CACNA2D3: variants seen among roughly 807,000 people sequenced by gnomAD.
The protein encoded by CACNA2D3 is calcium voltage-gated channel auxiliary subunit alpha2delta 3.
In CACNA2D3, 60 loss-of-function variants were observed where a neutral mutation model predicts 160.6. The observed-to-expected ratio is 0.37, with a 90% CI of 0.30 to 0.46. The LOEUF is 0.46. Ranked by LOEUF, CACNA2D3 falls within the 20% of genes least tolerant of loss-of-function variation. The pLI is 1.00. For synonymous variants in CACNA2D3, 558 were observed against 492.9 expected, an observed-to-expected ratio of 1.13 and a Z score of -1.75; for missense variants, 1,205 against 1,365.0, an observed-to-expected ratio of 0.88 and a Z score of 1.85.
At chr3:54,862,202 T>G (rs1260001002) in intron 17 of CACNA2D3, among the ~76,000 whole-genome samples, 2 of 152,156 alleles carry the variant, frequency 1.3e-5, no homozygotes, top group Admixed American at 6.5e-5. Context: ...CCACCCCATT[T>G]GAGAAAGGAG....
intron 2 of CACNA2D3, among the ~76,000 whole-genome samples, chr3:54,243,591 A>C (rs369573729): frequency 2.6e-5 from 4 of 152,206 alleles, no homozygotes; most frequent in African/African-American, 9.6e-5. Context: ...AGTTCTTACT[A>C]AAAAAGATTA....
chr3:54,616,999 G>T (rs1426858003), intron 9 of CACNA2D3, among the ~76,000 whole-genome samples: 2 of 152,022 alleles, frequency 1.3e-5, no homozygotes, highest in African/African-American at 2.4e-5. Flanking sequence ...AACATCCCTG[G>T]ACCACCTATT....
intron 2 of CACNA2D3, among the ~76,000 whole-genome samples, chr3:54,126,925 T>C (rs936840048): frequency 3.3e-5 from 5 of 152,208 alleles, no homozygotes; most frequent in African/African-American, 1.2e-4. Flanking sequence ...TTTGGTTCTT[T>C]TGGGGAGGCA....
intron 27 of CACNA2D3, among the ~76,000 whole-genome samples, chr3:54,909,147 A>G (rs1054303938): frequency 1.3e-5 from 2 of 152,176 alleles, no homozygotes; most frequent in East Asian, 1.9e-4. Flanking sequence ...AGAAATTCCA[A>G]TCAAAGATCC....
chr3:54,250,005 A>G (rs1048446031), intron 2 of CACNA2D3, among the ~76,000 whole-genome samples: 4 of 151,222 alleles, frequency 2.6e-5, no homozygotes, highest in Non-Finnish European at 5.9e-5. Flanking sequence ...GGTTCCCCAG[A>G]GAACACTGTT....
At chr3:54,867,254 A>C (rs902638056) in intron 17 of CACNA2D3, among the ~76,000 whole-genome samples, 1 of 152,120 alleles carries the variant, frequency 6.6e-6, no homozygotes, top group Non-Finnish European at 1.5e-5. Flanking sequence ...ATGAGAATTT[A>C]GTTCTTTTTC....
At position 54,821,723 on chromosome 3, in the gene CACNA2D3, C is replaced by T. The variant is rs1156952980; in HGVS notation, c.1398+4853C>T. On this transcript the variant is annotated intron_variant, in intron 14 of 37. Coordinates refer to ENST00000474759, the MANE Select transcript of CACNA2D3 (RefSeq NM_018398.3). ...TTCCTTCCTTCCTTCTTTCCTCTCT[C>T]TCTCTCTCTCTCTTTCTCTCTCTCT... 8.7e-4 allele frequency among the ~76,000 whole-genome samples: 96 copies of T among 110,322 alleles called. 1 individual carries two copies. In the South Asian group the frequency reaches 0.011, roughly 13 times the overall value. The allele number at this position is 110,322 out of a possible 152,430, so 72.4% of individuals were successfully genotyped here. A position where few individuals can be genotyped will look rare whatever the true frequency, so the allele number is the denominator to read the frequency against.
intron 11 of CACNA2D3, among the ~76,000 whole-genome samples, chr3:54,653,831 G>A (rs1699822900): frequency 1.3e-5 from 2 of 152,174 alleles, no homozygotes; most frequent in Admixed American, 1.3e-4. Context: ...TCCAGGTGCT[G>A]CGGACCTCAG....
chr3:54,584,600 G>A (rs1702729541), intron 9 of CACNA2D3, among the ~76,000 whole-genome samples: 1 of 152,132 alleles, frequency 6.6e-6, no homozygotes, highest in Non-Finnish European at 1.5e-5. Context: ...GAGAGAATGG[G>A]ACTGAAGAGG....
At position 54,736,098 on chromosome 3, in the gene CACNA2D3, TAC is replaced by T. The variant is rs1701515883; in HGVS notation, c.1168-16499_1168-16498del. 1.1e-3 allele frequency among the ~76,000 whole-genome samples: 19 copies of T among 17,632 alleles called. 2 individuals carry two copies. Among genetic ancestry groups the T allele is most frequent in the Non-Finnish European group, 1.9e-3 (14 of 7,432 alleles). 11.6% of individuals were successfully genotyped at this position (17,632 alleles called of 152,430 possible). On this transcript the variant is annotated intron_variant, in intron 11 of 37. Coordinates refer to ENST00000474759, the MANE Select transcript of CACNA2D3 (RefSeq NM_018398.3). Reference sequence around the variant, plus strand: ...ACATATATATGTATGTGTATATATATACATATATATGTATATATATACATATA... The same window carrying T: ...ACATATATATGTATGTGTATATATATATATATATGTATATATATACATATA...
intron 6 of CACNA2D3, among the ~76,000 whole-genome samples, chr3:54,564,562 A>G (rs1424897110): frequency 1.3e-5 from 2 of 152,208 alleles, no homozygotes; most frequent in African/African-American, 4.8e-5. Context: ...TCAAAGAGTG[A>G]TCATGAGCAT....
At chr3:54,917,965 A>G (rs1700702352) in intron 27 of CACNA2D3, among the ~76,000 whole-genome samples, 1 of 152,224 alleles carries the variant, frequency 6.6e-6, no homozygotes, top group Non-Finnish European at 1.5e-5. Flanking sequence ...ATCTAAAAGT[A>G]TCACTGATCT....
chr3:54,607,817 G>GA (rs1203480186), intron 9 of CACNA2D3, among the ~76,000 whole-genome samples: 1 of 152,074 alleles, frequency 6.6e-6, no homozygotes, highest in Admixed American at 6.6e-5. Flanking sequence ...ACCCAAACTG[G>GA]AAACAACCCA....
chr3:54,304,408 T>C (rs6781457), intron 2 of CACNA2D3, among the ~76,000 whole-genome samples: 34,154 of 152,166 alleles, frequency 0.22, 4,170 homozygotes, highest in South Asian at 0.34. Context: ...TATTTTGTTC[T>C]TAAGCTTCCT....
chr3:54,457,169 T>C (rs1308840608), intron 4 of CACNA2D3, among the ~76,000 whole-genome samples: 2 of 152,124 alleles, frequency 1.3e-5, no homozygotes, highest in East Asian at 3.9e-4. Flanking sequence ...TTGAAATCTT[T>C]CTAGTTTTTT....
intron 13 of CACNA2D3, among the ~76,000 whole-genome samples, chr3:54,799,748 T>C (rs909329589): frequency 6.6e-6 from 1 of 152,052 alleles, no homozygotes; most frequent in African/African-American, 2.4e-5. Context: ...CATTATTGAC[T>C]CTCTGGGTTC....
At chr3:54,586,619 G>A (rs1297319264) in intron 9 of CACNA2D3, among the ~76,000 whole-genome samples, 3 of 152,096 alleles carry the variant, frequency 2.0e-5, no homozygotes, top group Admixed American at 1.3e-4. Context: ...ATAGGCTACT[G>A]TACAAAAAGT....
intron 3 of CACNA2D3, among the ~76,000 whole-genome samples, chr3:54,376,715 A>G (rs1292183939): frequency 6.6e-6 from 1 of 152,182 alleles, no homozygotes. Flanking sequence ...AGCAGCAGCA[A>G]GATAACATTA....
chr3:54,402,014 CAA>C (rs934644581), intron 4 of CACNA2D3, among the ~76,000 whole-genome samples: 5 of 152,090 alleles, frequency 3.3e-5, no homozygotes, highest in African/African-American at 9.6e-5. Context: ...GGGCAAAAGT[CAA>C]GAGTGTTTGT....
Sources: allele counts gnomAD v4.1 joint callset (sites outside exome capture counted in the v4.1 genomes callset), GRCh38; gene constraint gnomAD v4.1.1; transcripts MANE v1.5; gene names NCBI Gene and HGNC (gene_info 2026-07-23, HGNC 2026-07-21).